The following NEBL variants were observed in gnomAD, a reference collection of about 807,000 sequenced individuals.
The protein encoded by NEBL is LIM and SH3 protein 2.
A neutral mutation model predicts 140.2 loss-of-function variants in NEBL; 122 were observed. The observed-to-expected ratio is 0.87, with a 90% confidence interval of 0.75 to 1.01. The LOEUF (loss-of-function observed/expected upper bound fraction) is 1.01, where lower values mean the gene tolerates loss of function less well. NEBL is among the 50% of genes least tolerant of loss of function. The pLI, the probability that NEBL is intolerant of heterozygous loss-of-function variation, is 0.00. For synonymous variants in NEBL, 436 were observed against 398.9 expected, an observed-to-expected ratio of 1.09 and a Z score of -1.11; for missense variants, 1,365 against 1,231.3, an observed-to-expected ratio of 1.11 and a Z score of -1.62.
chr10:20,788,157 CT>C (rs1835593864), intron 26 of NEBL, among the ~76,000 whole-genome samples: 1 of 152,108 alleles, frequency 6.6e-6, no homozygotes, highest in Non-Finnish European at 1.5e-5. Flanking sequence ...CAGACATATG[CT>C]TGTGTGTTTC....
intron 4 of NEBL, among the ~76,000 whole-genome samples, chr10:20,939,230 G>C (rs1834694488): frequency 6.6e-6 from 1 of 152,204 alleles, no homozygotes; most frequent in East Asian, 1.9e-4. Flanking sequence ...ACTAACAGCT[G>C]ATCTCTCAGC....
intron 4 of NEBL, among the ~76,000 whole-genome samples, chr10:20,883,030 A>C (rs1258289217): frequency 6.6e-6 from 1 of 152,308 alleles, no homozygotes; most frequent in East Asian, 1.9e-4. Flanking sequence ...GTATGGATTA[A>C]AGTGCTGCAC....
intron 26 of NEBL, among the ~76,000 whole-genome samples, chr10:20,790,550 G>A (rs1271971289): frequency 1.3e-5 from 2 of 150,204 alleles, no homozygotes; most frequent in African/African-American, 4.9e-5. Flanking sequence ...GCAATGAACC[G>A]AGATCATGCC....
chr10:21,105,714 A>T (rs1837686756), intron 2 of NEBL, among the ~76,000 whole-genome samples: 1 of 152,156 alleles, frequency 6.6e-6, no homozygotes, highest in Admixed American at 6.5e-5. Context: ...TAAGGGGATC[A>T]CTGGGTCAAA....
intron 2 of NEBL, among the ~76,000 whole-genome samples, chr10:21,109,847 T>C (rs1466112864): frequency 1.3e-5 from 2 of 151,958 alleles, no homozygotes; most frequent in African/African-American, 4.8e-5. Context: ...ACAAACTTTA[T>C]CATTAACTTT....
At chr10:21,248,032 C>A in intron 2 of NEBL, 1 of 231,564 alleles carries the variant, frequency 4.3e-6, no homozygotes, top group South Asian at 8.3e-5. Context: ...AAAAACCATC[C>A]CAAGAAACTT....
At chr10:21,275,026 G>A (rs1842902532) in intron 1 of NEBL, among the ~76,000 whole-genome samples, 1 of 151,970 alleles carries the variant, frequency 6.6e-6, no homozygotes. Flanking sequence ...GACCCATGAA[G>A]TTCACGCCTG....
intron 4 of NEBL, among the ~76,000 whole-genome samples, chr10:20,910,015 C>G (rs970190278): frequency 1.3e-5 from 2 of 152,086 alleles, no homozygotes; most frequent in African/African-American, 2.4e-5. Context: ...TTTCAGCAAA[C>G]TTTACACTTA....
In NEBL at chr10:21,144,957, A is replaced by T. The variant is rs1027290127; in HGVS notation, c.164+27426T>A. Among the ~76,000 whole-genome samples, 39 of 80,322 alleles carry T rather than the reference A, an allele frequency of 4.9e-4. 1 individual carries two copies. The highest frequency in any genetic ancestry group is 2.6e-3 in the African/African-American group (38 of 14,796). The allele number at this position is 80,322 out of a possible 152,430, so 52.7% of individuals were successfully genotyped here. On this transcript the variant is annotated intron_variant, in intron 2 of 6. Transcript: ENST00000417816. Reference sequence around the variant, plus strand: ...AGTATATAAAAAGCCCCTTCAAATTAAAAAAAAAAAAAAGATATCTCTCCA... The same window carrying T: ...AGTATATAAAAAGCCCCTTCAAATTTAAAAAAAAAAAAAGATATCTCTCCA...
At chr10:21,192,295 C>G (rs1018708516) in intron 3 of NEBL, among the ~76,000 whole-genome samples, 4 of 151,542 alleles carry the variant, frequency 2.6e-5, no homozygotes, top group African/African-American at 9.7e-5. Flanking sequence ...GGGTTCACAC[C>G]ATTCTCCTGC....
chr10:20,862,953 C>G (rs1009202790), intron 7 of NEBL, among the ~76,000 whole-genome samples: 2 of 151,926 alleles, frequency 1.3e-5, no homozygotes, highest in Admixed American at 6.6e-5. Flanking sequence ...TGTTTTGATA[C>G]AGGCATGCAG....
chr10:20,956,162 G>T (rs994919268), intron 4 of NEBL, among the ~76,000 whole-genome samples: 1 of 152,172 alleles, frequency 6.6e-6, no homozygotes, highest in African/African-American at 2.4e-5. Flanking sequence ...GGAAACCACA[G>T]ATTTGGAAAC....
At chr10:20,809,314 C>T (rs1244585689) in intron 25 of NEBL, among the ~76,000 whole-genome samples, 1 of 152,126 alleles carries the variant, frequency 6.6e-6, no homozygotes, top group Non-Finnish European at 1.5e-5. Context: ...TAAAAGCCAA[C>T]TATGCTTGCC....
chr10:20,859,694 T>G lies in NEBL; in HGVS notation c.798+19A>C, dbSNP rs1843460258. 1 of 1,469,866 alleles carries G rather than the reference T, an allele frequency of 6.8e-7. No homozygotes were observed. Among genetic ancestry groups the G allele is most frequent in the African/African-American group, 1.4e-5 (1 of 71,746 alleles). 91.1% of individuals were successfully genotyped at this position (1,469,866 alleles called of 1,614,324 possible). The stretch of plus-strand genomic sequence containing the variant: ...AATCAAAAGATTTTGAAAATAATTT[T>G]CTATGAATTACAACTTACATTGCTC... On this transcript the variant is annotated intron_variant, in intron 8 of 27. Transcript: ENST00000377122.
intron 4 of NEBL, among the ~76,000 whole-genome samples, chr10:20,885,669 C>T (rs549145525): frequency 6.6e-6 from 1 of 152,156 alleles, no homozygotes; most frequent in Non-Finnish European, 1.5e-5. Context: ...ATGGAAACAT[C>T]GGAAAAGTTA....
At chr10:21,041,590 A>C (rs1221476846) in intron 2 of NEBL, among the ~76,000 whole-genome samples, 2 of 152,230 alleles carry the variant, frequency 1.3e-5, no homozygotes, top group African/African-American at 4.8e-5. Context: ...TTGAGATTTA[A>C]AATCACTAGA....
Position 20,780,316 on chromosome 10 carries a change from T to C in NEBL, c.*5431A>G, listed in dbSNP as rs993387761. ...ATAGAAGAAAATTAGAATTGTACTA[T>C]TGAGGACATATGAGGAATTTATTCT... On this transcript the variant is annotated 3_prime_UTR_variant, in exon 28 of 28. Coordinates refer to ENST00000377122, the MANE Select transcript of NEBL (RefSeq NM_006393.3). 2.0e-5 allele frequency: 3 copies of C among 152,222 alleles called. No homozygotes were observed. The highest frequency in any genetic ancestry group is 2.9e-5 in the Non-Finnish European group (2 of 68,044). The allele number at this position is 152,222 out of a possible 1,614,324, so 9.4% of individuals were successfully genotyped here. A position where few individuals can be genotyped will look rare whatever the true frequency, so the allele number is the denominator to read the frequency against.
chr10:21,032,080 G>T (rs1278426437), intron 2 of NEBL, among the ~76,000 whole-genome samples: 8 of 152,086 alleles, frequency 5.3e-5, no homozygotes, highest in African/African-American at 1.2e-4. Context: ...ATCCAAATTG[G>T]GTTATAATTT....
At chr10:21,192,082 C>T (rs1478016930) in intron 3 of NEBL, among the ~76,000 whole-genome samples, 1 of 152,138 alleles carries the variant, frequency 6.6e-6, no homozygotes, top group East Asian at 1.9e-4. Flanking sequence ...CCATCATTCC[C>T]AGGTTCTCAA....
Sources: gnomAD v4.1 joint callset for allele counts (sites outside exome capture counted in the v4.1 genomes callset) on GRCh38, gnomAD v4.1.1 for gene constraint, MANE v1.5 for transcripts, NCBI Gene and HGNC (gene_info 2026-07-23, HGNC 2026-07-21) for gene names.